PIK3AP1: variants seen among roughly 807,000 people sequenced by gnomAD.
PIK3AP1 encodes phosphoinositide 3-kinase adapter protein 1.
A neutral mutation model predicts 88.1 loss-of-function variants in PIK3AP1; 21 were observed. The ratio of observed to expected loss-of-function variants is 0.24; its 90% CI spans 0.17 to 0.34. PIK3AP1 has a LOEUF of 0.34. Among genes scored for constraint, PIK3AP1 ranks in the 10% least tolerant of loss-of-function variants. The pLI, the probability that PIK3AP1 is intolerant of heterozygous loss-of-function variation, is 1.00. For missense variants in PIK3AP1, 828 were observed against 1,035.7 expected, an observed-to-expected ratio of 0.80 and a Z score of 2.75; for synonymous variants, 398 against 400.0, an observed-to-expected ratio of 1.00 and a Z score of 0.06.
intron 8 of PIK3AP1, among the ~76,000 whole-genome samples, chr10:96,638,463 C>CACAG (rs1031483935): frequency 2.6e-5 from 2 of 76,742 alleles, no homozygotes; most frequent in African/African-American, 9.7e-5. Flanking sequence ...CAGACACACA[C>CACAG]ACACACAGAC....
Position 96,620,518 on chromosome 10 carries a change from C to T in PIK3AP1, c.1775G>A (p.Ser592Asn). ...VRPWRDRPQSSIYDPFAGMKT... is the reference protein window; with the variant it reads ...VRPWRDRPQSNIYDPFAGMKT... The stretch of plus-strand genomic sequence containing the variant: ...CATTCCCGCAAAAGGGTCATATATA[C>T]TCGACTGGGGCCTGTCCCTCCATGG... Residue 592 changes from serine to asparagine, a missense_variant, in exon 12 of 17, where the codon AGT becomes AAT. By Grantham distance (46) the Ser-to-Asn change is conservative. Around this residue, in one of 3 missense-constraint regions of PIK3AP1, gnomAD observed 610 missense variants for 760.1 expected, o/e 0.80. Coordinates refer to ENST00000339364, the MANE Select transcript of PIK3AP1 (RefSeq NM_152309.3). 1 of 1,613,624 alleles carries T rather than the reference C, an allele frequency of 6.2e-7. No homozygotes were observed. Among genetic ancestry groups the T allele is most frequent in the East Asian group, 2.2e-5 (1 of 44,878 alleles).
At chr10:96,599,460 G>T (rs1474224012) in intron 16 of PIK3AP1, among the ~76,000 whole-genome samples, 1 of 152,194 alleles carries the variant, frequency 6.6e-6, no homozygotes, top group African/African-American at 2.4e-5. Context: ...CTCTGGGATA[G>T]CATGTAGAGT....
chr10:96,617,240 G>A (rs181039296), intron 12 of PIK3AP1, among the ~76,000 whole-genome samples: 8 of 152,338 alleles, frequency 5.3e-5, no homozygotes, highest in African/African-American at 1.9e-4. Context: ...AGACCACGTC[G>A]TGTACCTTTC....
chr10:96,657,252 G>A (rs1429427655), intron 2 of PIK3AP1, among the ~76,000 whole-genome samples: 1 of 152,156 alleles, frequency 6.6e-6, no homozygotes, highest in African/African-American at 2.4e-5. Flanking sequence ...CTGCAGGGAT[G>A]AAGAGGAGTG....
intron 8 of PIK3AP1, among the ~76,000 whole-genome samples, chr10:96,636,355 G>T (rs775421102): frequency 2.2e-4 from 34 of 152,164 alleles, no homozygotes; most frequent in Non-Finnish European, 2.9e-4. Context: ...ACTAAGTCCT[G>T]GTAGTAGCAC....
chr10:96,650,837 G>A (rs1046887806), intron 6 of PIK3AP1, among the ~76,000 whole-genome samples: 1 of 152,226 alleles, frequency 6.6e-6, no homozygotes, highest in Non-Finnish European at 1.5e-5. Context: ...ACAAGAGGGA[G>A]TGTGGAGAGA....
rs1051462 is a variant in PIK3AP1, at chr10:96,593,478, G to A, written c.*2099C>T. The A allele has an allele frequency of 6.6e-6, 1 of 152,220 alleles. No homozygotes were observed. The highest frequency in any genetic ancestry group is 1.5e-5 in the Non-Finnish European group (1 of 68,046). The allele number at this position is 152,220 out of a possible 1,614,324, so 9.4% of individuals were successfully genotyped here. On this transcript the variant is annotated 3_prime_UTR_variant, in exon 17 of 17. Transcript: ENST00000339364. The stretch of plus-strand genomic sequence containing the variant: ...TTACGATCTAAATGCTTGTTCATCA[G>A]AGAATGTACAAAATTCTAAGTTTGG...
chr10:96,648,954 G>A, intron 6 of PIK3AP1, 99 bp from the exon 7 acceptor site: 7 of 1,060,288 alleles, frequency 6.6e-6, no homozygotes, highest in Non-Finnish European at 7.9e-6. Context: ...CATGGCAACA[G>A]AAAGCACTCA....
intron 1 of PIK3AP1, among the ~76,000 whole-genome samples, chr10:96,711,738 A>ATTTTTTTT (rs1564992486): frequency 1.1e-5 from 1 of 93,978 alleles, no homozygotes; most frequent in Non-Finnish European, 2.1e-5. Context: ...GAGATTACCA[A>ATTTTTTTT]ATTTTTTTTT....
At chr10:96,650,393 A>G (rs551855639) in intron 6 of PIK3AP1, among the ~76,000 whole-genome samples, 1 of 152,306 alleles carries the variant, frequency 6.6e-6, no homozygotes, top group East Asian at 1.9e-4. Flanking sequence ...TGTCCAGAAC[A>G]CCAAGCATCA....
intron 2 of PIK3AP1, among the ~76,000 whole-genome samples, chr10:96,687,728 A>G (rs1054666437): frequency 1.3e-5 from 2 of 152,146 alleles, no homozygotes; most frequent in African/African-American, 4.8e-5. Flanking sequence ...GCCTGCATTA[A>G]AGACCTTGTG....
intron 8 of PIK3AP1, among the ~76,000 whole-genome samples, chr10:96,644,132 G>A (rs1335278744): frequency 6.6e-6 from 1 of 152,124 alleles, no homozygotes; most frequent in Non-Finnish European, 1.5e-5. Context: ...TGCCCCCTGG[G>A]GGCGTTTGGA....
intron 1 of PIK3AP1, among the ~76,000 whole-genome samples, chr10:96,717,692 G>A (rs949112188): frequency 6.6e-6 from 1 of 152,176 alleles, no homozygotes; most frequent in Non-Finnish European, 1.5e-5. Flanking sequence ...ACAGAGGAGA[G>A]AGTACTAGTC....
chr10:96,600,177 G>A (rs1324413536), intron 16 of PIK3AP1, among the ~76,000 whole-genome samples: 7 of 152,128 alleles, frequency 4.6e-5, no homozygotes, highest in Non-Finnish European at 7.4e-5. Flanking sequence ...ATGAAGTCTG[G>A]CAGGTTTGCC....
At chr10:96,613,912 T>G (rs1472811267) in intron 13 of PIK3AP1, among the ~76,000 whole-genome samples, 1 of 152,178 alleles carries the variant, frequency 6.6e-6, no homozygotes, top group Non-Finnish European at 1.5e-5. Context: ...CTTTCACTTT[T>G]ACCATTTTGC....
At chr10:96,630,795 T>C (rs1211705024) in intron 8 of PIK3AP1, among the ~76,000 whole-genome samples, 2 of 151,878 alleles carry the variant, frequency 1.3e-5, no homozygotes, top group Non-Finnish European at 2.9e-5. Context: ...TGAGTTAGGA[T>C]CACGCCACCG....
intron 2 of PIK3AP1, among the ~76,000 whole-genome samples, chr10:96,682,616 C>T (rs909651371): frequency 2.6e-5 from 4 of 152,316 alleles, no homozygotes; most frequent in Admixed American, 2.0e-4. Flanking sequence ...GGGTGTGGAG[C>T]GAGCTGCATG....
At position 96,656,618 on chromosome 10, in the gene PIK3AP1, C is replaced by T. The variant is rs146373332; in HGVS notation, c.567+180G>A. On this transcript the variant is annotated intron_variant, in intron 3 of 16. Coordinates refer to ENST00000339364, the MANE Select transcript of PIK3AP1 (RefSeq NM_152309.3). The stretch of plus-strand genomic sequence containing the variant: ...TCTCCCTGGGCTAGTCTCTCTCTTA[C>T]TCAGGGGAGCTGGGTGTCTCCAGGG... 5.3e-3 allele frequency among the ~76,000 whole-genome samples: 814 copies of T among 152,280 alleles called. 7 individuals carry two copies. The highest frequency in any genetic ancestry group is 0.018 in the African/African-American group (746 of 41,540).
chr10:96,713,766 T>G (rs1214070625), intron 1 of PIK3AP1, among the ~76,000 whole-genome samples: 1 of 152,186 alleles, frequency 6.6e-6, no homozygotes, highest in Non-Finnish European at 1.5e-5. Context: ...TTATAAACTC[T>G]AGGGCCACTG....
Sources: gnomAD v4.1 joint callset for allele counts (sites outside exome capture counted in the v4.1 genomes callset) on GRCh38, gnomAD v4.1.1 for gene constraint, gnomAD v4.1.1 regional missense constraint, MANE v1.5 for transcripts, NCBI Gene and HGNC (gene_info 2026-07-23, HGNC 2026-07-21) for gene names.